Variants in PPP2R3B observed in about 807,000 individuals in gnomAD.
PPP2R3B encodes protein phosphatase 2 regulatory subunit B''beta.
Under a neutral mutation model 72.9 loss-of-function variants are expected in PPP2R3B, and 68 were observed. The ratio of observed to expected loss-of-function variants is 0.93; its 90% CI spans 0.77 to 1.14. The LOEUF (loss-of-function observed/expected upper bound fraction) is 1.14, where lower values mean the gene tolerates loss of function less well. PPP2R3B is among the 50% of genes most tolerant of loss of function. The pLI is 0.00. For missense variants in PPP2R3B, 1,018 were observed against 842.0 expected (o/e 1.21, Z -2.59); for synonymous variants, 466 against 375.8 (o/e 1.24, Z -2.78).
intron 2 of PPP2R3B, among the ~76,000 whole-genome samples, chrX:359,116 G>A (rs1285645807): frequency 6.6e-6 from 1 of 152,168 alleles, no homozygotes; most frequent in Non-Finnish European, 1.5e-5. Flanking sequence ...CAAAAGAGGT[G>A]TCTGACCCAG....
chrX:362,657 G>A, intron 1 of PPP2R3B, among the ~76,000 whole-genome samples: 1 of 152,226 alleles, frequency 6.6e-6, no homozygotes, highest in East Asian at 1.9e-4. Flanking sequence ...CCATGGAGGA[G>A]GGGTCCAGGG....
At chrX:383,795 G>A (rs1178428445) in intron 1 of PPP2R3B, among the ~76,000 whole-genome samples, 26 of 121,042 alleles carry the variant, frequency 2.1e-4, no homozygotes, top group African/African-American at 7.4e-4. Context: ...CCGAGATCGC[G>A]CCACTGCACT....
At position 361,517 on chromosome X, in the gene PPP2R3B, C is replaced by A; in HGVS notation, c.398G>T (p.Gly133Val). The change falls in exon 2 of 13, where the codon GGA (glycine) becomes GTA (valine). Residue 133 changes from glycine to valine, a missense_variant. Physicochemically the swap from Gly to Val is moderately radical, Grantham distance 109 (BLOSUM62 -3). Transcript: ENST00000390665. ...CACGTTGACGGAGTCCTGCGGGCGT[C>A]CTCTGGGGAAGTAGAAGGTCGGAAT... ...QSIPTFYFPRGRPQDSVNVDA... is the reference protein window; with the variant it reads ...QSIPTFYFPRVRPQDSVNVDA... 1 of 1,614,002 alleles carries A rather than the reference C, an allele frequency of 6.2e-7. No homozygotes were observed. Among genetic ancestry groups the A allele is most frequent in the Non-Finnish European group, 8.5e-7 (1 of 1,179,868 alleles).
At chrX:381,924 A>G (rs956515941) in intron 1 of PPP2R3B, among the ~76,000 whole-genome samples, 1 of 152,104 alleles carries the variant, frequency 6.6e-6, no homozygotes, top group Non-Finnish European at 1.5e-5. Context: ...GTCCCAATGA[A>G]CAGACACATC....
intron 1 of PPP2R3B, among the ~76,000 whole-genome samples, chrX:372,923 C>A (rs1308577490): frequency 1.3e-5 from 2 of 152,150 alleles, no homozygotes; most frequent in Non-Finnish European, 2.9e-5. Context: ...GAGGCTTCGT[C>A]TCAAATAAAT....
intron 1 of PPP2R3B, chrX:373,628 C>T: frequency 3.5e-6 from 1 of 286,248 alleles, no homozygotes; most frequent in South Asian, 2.8e-5. Context: ...GGTCGGGGTC[C>T]TGGCGCAGCG....
chrX:382,127 T>G (rs1200381461), intron 1 of PPP2R3B, among the ~76,000 whole-genome samples: 2 of 151,920 alleles, frequency 1.3e-5, no homozygotes, highest in Non-Finnish European at 2.9e-5. Context: ...ACACGCATCC[T>G]TCCTTCTGCT....
chrX:341,858 C>T (rs367750168), intron 8 of PPP2R3B, 25 bp downstream of exon 8: 10 of 1,612,052 alleles, frequency 6.2e-6, no homozygotes, highest in African/African-American at 5.3e-5. Context: ...CAATGGCTGC[C>T]GTCAGGCGCC....
chrX:347,778 G>C, intron 2 of PPP2R3B, 85 bp from the exon 3 acceptor site: 1 of 980,416 alleles, frequency 1.0e-6, no homozygotes, highest in Non-Finnish European at 1.5e-6. Flanking sequence ...GACCGACGCC[G>C]CCCAGAGACC....
chrX:356,316 A>G (rs1475113068), intron 2 of PPP2R3B, among the ~76,000 whole-genome samples: 1 of 152,174 alleles, frequency 6.6e-6, no homozygotes, highest in Non-Finnish European at 1.5e-5. Context: ...CCCAGGTTCA[A>G]GCGATTTTCC....
At chrX:347,488 C>T in intron 3 of PPP2R3B, 102 bp downstream of exon 3, 2 of 1,396,018 alleles carry the variant, frequency 1.4e-6, no homozygotes, top group Non-Finnish European at 2.0e-6. Flanking sequence ...AGGGTTTCTC[C>T]TCTCACTGCG....
At chrX:370,056 C>T (rs966158434) in intron 1 of PPP2R3B, among the ~76,000 whole-genome samples, 7 of 152,178 alleles carry the variant, frequency 4.6e-5, no homozygotes, top group African/African-American at 1.7e-4. Context: ...CTCCCAGGGA[C>T]CCTCTGAGAG....
intron 2 of PPP2R3B, among the ~76,000 whole-genome samples, chrX:358,825 T>C (rs34880237): frequency 2.0e-5 from 2 of 102,290 alleles, no homozygotes; most frequent in Admixed American, 1.8e-4. Flanking sequence ...GGCACCACGG[T>C]GGGGGGAGGC....
intron 1 of PPP2R3B, among the ~76,000 whole-genome samples, chrX:378,080 C>T (rs771026348): frequency 7.2e-5 from 11 of 152,240 alleles, no homozygotes; most frequent in Admixed American, 2.0e-4. Flanking sequence ...TGTACAGGGA[C>T]GGGGCCGTCA....
chrX:346,550 G>A (rs1449471168), intron 5 of PPP2R3B, 151 bp downstream of exon 5: 9 of 743,648 alleles, frequency 1.2e-5, no homozygotes, highest in African/African-American at 3.6e-5. Flanking sequence ...GCTCCCGGGC[G>A]GGTGGAGACT....
At chrX:341,221 T>C in intron 9 of PPP2R3B, 86 bp downstream of exon 9, 1 of 1,459,898 alleles carries the variant, frequency 6.8e-7, no homozygotes, top group Non-Finnish European at 9.6e-7. Context: ...CCACCAGGCG[T>C]GCAGGCATCC....
intron 2 of PPP2R3B, among the ~76,000 whole-genome samples, chrX:355,842 GAA>G (rs1163295126): frequency 9.2e-5 from 14 of 152,242 alleles, no homozygotes; most frequent in Admixed American, 3.3e-4. Context: ...AAGCAGCAGA[GAA>G]AAGTCCAGCG....
intron 9 of PPP2R3B, 66 bp downstream of exon 9, chrX:341,241 C>A (rs1338374139): frequency 1.9e-6 from 3 of 1,565,008 alleles, no homozygotes; most frequent in Non-Finnish European, 2.6e-6. Flanking sequence ...CGCCTGGGGA[C>A]ACATGTCACA....
At position 345,296 on chromosome X, in the gene PPP2R3B, G is replaced by A. The variant is rs1205405289; in HGVS notation, c.1036+220C>T. On this transcript the variant is annotated intron_variant, in intron 7 of 12. Coordinates refer to ENST00000390665, the MANE Select transcript of PPP2R3B (RefSeq NM_013239.5). ...ACACTGACCCTGTAGACGCCCCCAG[G>A]CAGAGGCCTCGGGCAGAGGCGCACG... 21 of 731,226 alleles carry A rather than the reference G, an allele frequency of 2.9e-5. No homozygotes were observed. In the Admixed American group the frequency reaches 3.8e-4, roughly 13 times the overall value. The allele number at this position is 731,226 out of a possible 1,614,324, so 45.3% of individuals were successfully genotyped here.
Sources: allele counts gnomAD v4.1 joint callset (sites outside exome capture counted in the v4.1 genomes callset), GRCh38; gene constraint gnomAD v4.1.1; transcripts MANE v1.5; gene names NCBI Gene and HGNC (gene_info 2026-07-23, HGNC 2026-07-21).